The following USP37 variants were observed in gnomAD, a reference collection of about 807,000 sequenced individuals.
The protein encoded by USP37 is ubiquitin specific peptidase 37, also known as ubiquitin carboxyl-terminal hydrolase 37.
A neutral mutation model predicts 124.0 loss-of-function variants in USP37; 27 were observed. The ratio of observed to expected loss-of-function variants is 0.22; its 90% CI spans 0.16 to 0.30. The LOEUF is 0.30. Ranked by LOEUF, USP37 falls within the 10% of genes least tolerant of loss-of-function variation. The probability of loss-of-function intolerance (pLI) is 1.00; values close to 1 mark genes in which losing one functional copy is unlikely to be tolerated. For synonymous variants in USP37, 365 were observed against 388.0 expected (o/e 0.94, Z 0.70); for missense variants, 889 against 1,140.4 (o/e 0.78, Z 3.17).
rs1400012074 is a variant in USP37 at position 218,451,113 on chromosome 2, T to C, written c.*3817A>G. 5 of 152,242 alleles carry C rather than the reference T, an allele frequency of 3.3e-5. No homozygotes were observed. In the East Asian group the frequency reaches 9.6e-4, roughly 29 times the overall value. The allele number at this position is 152,242 out of a possible 1,614,324, so 9.4% of individuals were successfully genotyped here. A position where few individuals can be genotyped will look rare whatever the true frequency, so the allele number is the denominator to read the frequency against. ...ATAAGACATATCAGTAGAGACAAAA[T>C]TAGGATTTTGAAGTAATGCAATAAA... On this transcript the variant is annotated 3_prime_UTR_variant, in exon 26 of 26. Coordinates refer to ENST00000258399, the MANE Select transcript of USP37 (RefSeq NM_020935.3).
chr2:218,465,944 G>GTTA (rs928928708), intron 21 of USP37, 66 bp downstream of exon 21: 9 of 1,534,312 alleles, frequency 5.9e-6, no homozygotes, highest in East Asian at 2.3e-5. Context: ...CAACACATTA[G>GTTA]TTATTATTAT....
chr2:218,551,462 T>A lies in USP37; in HGVS notation c.329-1553A>T, dbSNP rs75010088. On this transcript the variant is annotated intron_variant, in intron 5 of 25. Transcript: ENST00000258399. ...TTAAGAAGCCCTGAAATCAAGGTGATACTTTCATGTTAGAGATTAGGAAAT... is the reference window on the plus strand; with the variant it reads ...TTAAGAAGCCCTGAAATCAAGGTGAAACTTTCATGTTAGAGATTAGGAAAT... Among the ~76,000 whole-genome samples, 1,090 of 152,364 alleles carry A rather than the reference T, an allele frequency of 7.2e-3. 11 individuals are homozygous for A. Among genetic ancestry groups the A allele is most frequent in the African/African-American group, 0.025 (1,041 of 41,578 alleles).
chr2:218,567,024 T>C (rs1693643095), intron 1 of USP37, among the ~76,000 whole-genome samples: 1 of 152,056 alleles, frequency 6.6e-6, no homozygotes, highest in East Asian at 1.9e-4. Context: ...CAGCTGGCTA[T>C]CTAGATGTGG....
intron 5 of USP37, among the ~76,000 whole-genome samples, chr2:218,551,758 C>T (rs1692672685): frequency 6.6e-6 from 1 of 151,712 alleles, no homozygotes; most frequent in East Asian, 1.9e-4. Context: ...TAGCCTCTGA[C>T]ATATTCTAAG....
chr2:218,538,387 T>C (rs528922953), intron 8 of USP37, among the ~76,000 whole-genome samples: 7 of 152,122 alleles, frequency 4.6e-5, no homozygotes, highest in Non-Finnish European at 1.0e-4. Flanking sequence ...AAAGAAATGA[T>C]TTATGGAAGA....
At chr2:218,484,604 A>C (rs1275575003) in intron 16 of USP37, among the ~76,000 whole-genome samples, 1 of 151,660 alleles carries the variant, frequency 6.6e-6, no homozygotes, top group Non-Finnish European at 1.5e-5. Context: ...CCTGGGGGAC[A>C]GAGCAAGACT....
rs1410765939 is a variant in USP37, at chr2:218,451,179, A to C, written c.*3751T>G. ...AGAAGTCTATTTAGTTTTTGTATACACTTGCAAGAGTGCATTACTCAGTAT... is the reference window on the plus strand; with the variant it reads ...AGAAGTCTATTTAGTTTTTGTATACCCTTGCAAGAGTGCATTACTCAGTAT... On this transcript the variant is annotated 3_prime_UTR_variant, in exon 26 of 26. Coordinates refer to ENST00000258399, the MANE Select transcript of USP37 (RefSeq NM_020935.3). 2 of 152,228 alleles carry C rather than the reference A, an allele frequency of 1.3e-5. No homozygotes were observed. The highest frequency in any genetic ancestry group is 2.9e-5 in the Non-Finnish European group (2 of 68,046). The allele number at this position is 152,228 out of a possible 1,614,324, so 9.4% of individuals were successfully genotyped here. A position where few individuals can be genotyped will look rare whatever the true frequency, so the allele number is the denominator to read the frequency against.
chr2:218,513,663 C>T (rs1193559055), intron 10 of USP37, among the ~76,000 whole-genome samples: 2 of 152,180 alleles, frequency 1.3e-5, no homozygotes, highest in Non-Finnish European at 2.9e-5. Flanking sequence ...ACAATATGCA[C>T]TTTCTTATGA....
At chr2:218,455,339 T>C (rs560067180) in intron 25 of USP37, among the ~76,000 whole-genome samples, 1 of 152,288 alleles carries the variant, frequency 6.6e-6, no homozygotes, top group South Asian at 2.1e-4. Context: ...TAAAACAAAC[T>C]GTCTTAACTT....
intron 21 of USP37, 30 bp downstream of exon 21, chr2:218,465,979 CA>C (rs1212311109): frequency 7.5e-6 from 12 of 1,595,504 alleles, no homozygotes; most frequent in Non-Finnish European, 8.5e-6. Context: ...AAGGTAAGTA[CA>C]GAGAAAGTAG....
intron 20 of USP37, among the ~76,000 whole-genome samples, chr2:218,468,369 A>G (rs1189225685): frequency 1.3e-5 from 2 of 149,526 alleles, no homozygotes; most frequent in East Asian, 4.0e-4. Flanking sequence ...CCCAAGTAGC[A>G]TGCACCACCA....
At chr2:218,507,409 C>T (rs753685607) in intron 11 of USP37, among the ~76,000 whole-genome samples, 5 of 151,954 alleles carry the variant, frequency 3.3e-5, no homozygotes, top group Non-Finnish European at 5.9e-5. Context: ...CCGCCTGCCT[C>T]GGCCCCTCAA....
chr2:218,492,099 G>T (rs1168974213), intron 14 of USP37, among the ~76,000 whole-genome samples: 2 of 152,156 alleles, frequency 1.3e-5, no homozygotes, highest in African/African-American at 4.8e-5. Flanking sequence ...TATTCGGGAG[G>T]CTGCGGCGGG....
chr2:218,478,525 A>G (rs770837949), intron 18 of USP37, among the ~76,000 whole-genome samples: 1 of 152,190 alleles, frequency 6.6e-6, no homozygotes, highest in Non-Finnish European at 1.5e-5. Context: ...CAGGTCTTCT[A>G]GGGCCTAATC....
chr2:218,488,462 A>G (rs775231373), intron 14 of USP37, 41 bp from the exon 15 acceptor site: 4 of 1,307,122 alleles, frequency 3.1e-6, no homozygotes, highest in Non-Finnish European at 4.3e-6. Context: ...TTAGACCAAT[A>G]CACAAGAAAC....
chr2:218,494,362 A>G (rs998322868), intron 14 of USP37, among the ~76,000 whole-genome samples: 1 of 152,270 alleles, frequency 6.6e-6, no homozygotes, highest in Non-Finnish European at 1.5e-5. Context: ...TTTAGAGAAT[A>G]GTTTTCTGGA....
At position 218,450,376 on chromosome 2, in the gene USP37, A is replaced by G; in HGVS notation, c.*4554T>C. 1 of 152,666 alleles carries G rather than the reference A, an allele frequency of 6.6e-6. No individual in the cohort carries two copies. Among genetic ancestry groups the G allele is most frequent in the Non-Finnish European group, 1.5e-5 (1 of 68,044 alleles). 9.5% of individuals were successfully genotyped at this position (152,666 alleles called of 1,614,324 possible). On this transcript the variant is annotated 3_prime_UTR_variant, in exon 26 of 26. Coordinates refer to ENST00000258399, the MANE Select transcript of USP37 (RefSeq NM_020935.3). The stretch of plus-strand genomic sequence containing the variant: ...ACAGTTCTGCTAAAACACAGATAAA[A>G]GTGCCGCTCCATACAAAACATAAAG...
chr2:218,532,151 C>G (rs1050597090), intron 9 of USP37, among the ~76,000 whole-genome samples: 1 of 152,126 alleles, frequency 6.6e-6, no homozygotes, highest in Admixed American at 6.6e-5. Flanking sequence ...AAGAGTCAAT[C>G]AGAGATGTGA....
intron 5 of USP37, among the ~76,000 whole-genome samples, chr2:218,551,462 T>C (rs75010088): frequency 6.6e-6 from 1 of 152,250 alleles, no homozygotes; most frequent in African/African-American, 2.4e-5. Flanking sequence ...ATCAAGGTGA[T>C]ACTTTCATGT....
Sources: allele counts gnomAD v4.1 joint callset (sites outside exome capture counted in the v4.1 genomes callset), GRCh38; gene constraint gnomAD v4.1.1; transcripts MANE v1.5; gene names NCBI Gene and HGNC (gene_info 2026-07-23, HGNC 2026-07-21).